SLC9C2: variants seen among roughly 807,000 people sequenced by gnomAD.
The protein encoded by SLC9C2 is solute carrier family 9 member C2 (putative), also known as sodium/hydrogen exchanger 11.
In SLC9C2, 75 loss-of-function variants were observed where a neutral mutation model predicts 140.2. The ratio of observed to expected loss-of-function variants is 0.53; its 90% confidence interval spans 0.44 to 0.65. SLC9C2 has a LOEUF of 0.65. SLC9C2 is among the 30% of genes least tolerant of loss of function. SLC9C2 has a pLI of 0.00. For missense variants in SLC9C2, 1,074 were observed against 1,331.8 expected (o/e 0.81, Z 3.01); for synonymous variants, 375 against 420.9 (o/e 0.89, Z 1.34).
rs1244311741 is a variant in SLC9C2 at position 173,573,237 on chromosome 1, C to T, written c.991G>A (p.Glu331Lys). 1 of 1,585,680 alleles carries T rather than the reference C, an allele frequency of 6.3e-7. No individual in the cohort carries two copies. Residue 331 changes from glutamate to lysine, a missense_variant, in exon 9 of 28, where the codon GAA (glutamate) becomes AAA (lysine). Coordinates refer to ENST00000367714, the MANE Select transcript of SLC9C2 (RefSeq NM_178527.4). The part of the protein sequence containing the change: ...VIGCGELSHY[E>K]FHTIPFIFIL... Reference sequence around the variant, plus strand: ...AATATGAAAGGTATAGTGTGAAATTCATAGTGGCTGAGTTCTCCACATCCA... The same window carrying T: ...AATATGAAAGGTATAGTGTGAAATTTATAGTGGCTGAGTTCTCCACATCCA...
intron 25 of SLC9C2, among the ~76,000 whole-genome samples, chr1:173,506,593 A>G (rs908278732): frequency 1.3e-5 from 2 of 152,206 alleles, no homozygotes; most frequent in Non-Finnish European, 2.9e-5. Flanking sequence ...TTCCTTTGGC[A>G]CAGCCCCACG....
In SLC9C2 at chr1:173,591,066, T is replaced by C. The variant is rs189567708; in HGVS notation, c.358-3236A>G. On this transcript the variant is annotated intron_variant, in intron 4 of 27. Coordinates refer to ENST00000367714, the MANE Select transcript of SLC9C2 (RefSeq NM_178527.4). ...CTCAAGTAGGCCCCAGTGTCTGTTG[T>C]TCCCCTCTTTGTGTCCATGAGTTCT... Among the ~76,000 whole-genome samples, 174 of 152,240 alleles carry C rather than the reference T, an allele frequency of 1.1e-3. 1 individual carries two copies. Among genetic ancestry groups the C allele is most frequent in the African/African-American group, 4.1e-3 (170 of 41,540 alleles).
At chr1:173,563,877 A>C (rs928189987) in intron 9 of SLC9C2, among the ~76,000 whole-genome samples, 1 of 152,036 alleles carries the variant, frequency 6.6e-6, no homozygotes, top group Non-Finnish European at 1.5e-5. Context: ...GCCTCTGGTA[A>C]CCATCCCTCT....
At chr1:173,588,564 A>G (rs989207191) in intron 4 of SLC9C2, among the ~76,000 whole-genome samples, 2 of 152,170 alleles carry the variant, frequency 1.3e-5, no homozygotes, top group East Asian at 3.9e-4. Flanking sequence ...AAGAGCATGA[A>G]TTACATTAAG....
intron 5 of SLC9C2, among the ~76,000 whole-genome samples, chr1:173,583,847 G>A (rs1248969444): frequency 6.6e-6 from 1 of 152,208 alleles, no homozygotes; most frequent in African/African-American, 2.4e-5. Flanking sequence ...AGCACTGCTT[G>A]TATTGTTCAT....
intron 22 of SLC9C2, among the ~76,000 whole-genome samples, chr1:173,519,682 T>C (rs1204207638): frequency 1.3e-5 from 2 of 152,232 alleles, no homozygotes; most frequent in South Asian, 2.1e-4. Context: ...ATTTCATAAA[T>C]ACTGGCAGCA....
At chr1:173,577,759 G>T (rs910509737) in intron 7 of SLC9C2, among the ~76,000 whole-genome samples, 7 of 152,140 alleles carry the variant, frequency 4.6e-5, no homozygotes, top group African/African-American at 1.7e-4. Flanking sequence ...ATACTATCAT[G>T]CTGTTAATTG....
intron 7 of SLC9C2, among the ~76,000 whole-genome samples, chr1:173,580,948 C>A (rs1292075487): frequency 6.6e-6 from 1 of 152,070 alleles, no homozygotes; most frequent in Non-Finnish European, 1.5e-5. Context: ...TTTCTTCAAA[C>A]ATTTAAGGCA....
chr1:173,502,272 CAAA>C (rs34183286), intron 27 of SLC9C2, among the ~76,000 whole-genome samples: 343 of 40,772 alleles, frequency 8.4e-3, no homozygotes, highest in African/African-American at 0.024. Context: ...GATTCCATCT[CAAA>C]AAAAAAAAAA....
chr1:173,599,603 C>T (rs1666659576), intron 3 of SLC9C2, among the ~76,000 whole-genome samples: 1 of 150,636 alleles, frequency 6.6e-6, no homozygotes, highest in Admixed American at 6.6e-5. Flanking sequence ...TCTTTCCTTG[C>T]TTTCTTTCCT....
Position 173,509,664 on chromosome 1 carries a change from G to A in SLC9C2, c.2943C>T (p.Gly981=). 6.3e-7 allele frequency: 1 copy of A among 1,596,652 alleles called. No individual in the cohort carries two copies. Among genetic ancestry groups the A allele is most frequent in the Non-Finnish European group, 8.5e-7 (1 of 1,175,378 alleles). ...CFISLEDLYE[G]FDAFWPSLEY... ...CCAGAGATGGCCAGAAGGCATCAAA[G>A]CCTTCATATAAATCCTCCAGGGAGA... The change falls in exon 24 of 28, where the codon GGC becomes GGT. Residue 981 remains glycine (G), a synonymous_variant. Coordinates refer to ENST00000367714, the MANE Select transcript of SLC9C2 (RefSeq NM_178527.4).
chr1:173,502,063 G>T (rs1659315758), intron 27 of SLC9C2, among the ~76,000 whole-genome samples: 1 of 151,928 alleles, frequency 6.6e-6, no homozygotes, highest in Admixed American at 6.6e-5. Context: ...CATAAGGTCA[G>T]GAGATCGAGA....
chr1:173,555,645 G>A (rs770559767), intron 10 of SLC9C2, among the ~76,000 whole-genome samples: 11 of 152,154 alleles, frequency 7.2e-5, no homozygotes, highest in Non-Finnish European at 1.3e-4. Flanking sequence ...GCATAAAAGA[G>A]AATCGGAGGA....
intron 17 of SLC9C2, among the ~76,000 whole-genome samples, chr1:173,532,737 G>A (rs1395950669): frequency 1.3e-5 from 2 of 152,036 alleles, no homozygotes; most frequent in Non-Finnish European, 2.9e-5. Context: ...CTGTTCTGGA[G>A]GCAGAGGTTA....
At chr1:173,585,736 G>A (rs973543758) in intron 5 of SLC9C2, among the ~76,000 whole-genome samples, 1 of 152,172 alleles carries the variant, frequency 6.6e-6, no homozygotes, top group African/African-American at 2.4e-5. Flanking sequence ...GGAGGCCAAG[G>A]TGGGTGGATC....
intron 8 of SLC9C2, among the ~76,000 whole-genome samples, chr1:173,575,519 C>A (rs183872013): frequency 6.6e-6 from 1 of 152,124 alleles, no homozygotes; most frequent in African/African-American, 2.4e-5. Flanking sequence ...CATTCACATA[C>A]GCACAAAACT....
Position 173,573,229 on chromosome 1 carries a change from G to A in SLC9C2, c.999C>T (p.His333=), listed in dbSNP as rs543943728. The A allele has an allele frequency of 5.7e-6, 9 of 1,580,028 alleles. No individual in the cohort carries two copies. In the African/African-American group the frequency reaches 9.4e-5, roughly 17 times the overall value. ...ATAAAATGAATATGAAAGGTATAGTGTGAAATTCATAGTGGCTGAGTTCTC... is the reference window on the plus strand; with the variant it reads ...ATAAAATGAATATGAAAGGTATAGTATGAAATTCATAGTGGCTGAGTTCTC... ...GCGELSHYEF[H]TIPFIFILFT... is the part of the protein sequence containing the mutation. The change falls in exon 9 of 28, where the codon CAC becomes CAT. Residue 333 remains histidine, a synonymous_variant. Transcript: ENST00000367714.
At chr1:173,550,903 A>AGAGT (rs1663247263) in intron 11 of SLC9C2, among the ~76,000 whole-genome samples, 1 of 130,966 alleles carries the variant, frequency 7.6e-6, no homozygotes, top group African/African-American at 3.0e-5. Context: ...AGAGAGAGAG[A>AGAGT]GAGAGAAGGA....
intron 9 of SLC9C2, among the ~76,000 whole-genome samples, chr1:173,562,493 C>T (rs1047930948): frequency 1.2e-4 from 19 of 152,132 alleles, no homozygotes; most frequent in Non-Finnish European, 2.4e-4. Context: ...TAAAAATACA[C>T]ACGTCAAGGG....
Sources: allele counts gnomAD v4.1 joint callset (sites outside exome capture counted in the v4.1 genomes callset), GRCh38; gene constraint gnomAD v4.1.1; transcripts MANE v1.5; gene names NCBI Gene and HGNC (gene_info 2026-07-23, HGNC 2026-07-21).